The following SYNE1 variants were observed in gnomAD, a reference collection of about 807,000 sequenced individuals.
The protein encoded by SYNE1 is nesprin-1.
A neutral mutation model predicts 1,111.0 loss-of-function variants in SYNE1; 616 were observed. The ratio of observed to expected loss-of-function variants is 0.55; its 90% CI spans 0.52 to 0.59. The LOEUF is 0.59. Among genes scored for constraint, SYNE1 ranks in the 20% least tolerant of loss-of-function variants. The pLI, the probability that SYNE1 is intolerant of heterozygous loss-of-function variation, is 0.00. For synonymous variants in SYNE1, 3,855 were observed against 3,825.8 expected, an observed-to-expected ratio of 1.01 and a Z score of -0.28; for missense variants, 10,006 against 10,417.0, an observed-to-expected ratio of 0.96 and a Z score of 1.72.
At chr6:152,149,342 AG>A in intron 136 of SYNE1, 134 bp downstream of exon 136, 1 of 1,025,224 alleles carries the variant, frequency 9.8e-7, no homozygotes, top group Non-Finnish European at 1.5e-6. Context: ...GCGACAATGT[AG>A]GACAAAGCTA....
intron 3 of SYNE1, among the ~76,000 whole-genome samples, chr6:152,591,927 C>T (rs946652334): frequency 6.6e-6 from 1 of 152,160 alleles, no homozygotes; most frequent in Non-Finnish European, 1.5e-5. Flanking sequence ...AAATGCTCAA[C>T]ATCATTAATC....
At position 152,148,373 on chromosome 6, in the gene SYNE1, T is replaced by C; in HGVS notation, c.24648A>G (p.Pro8216=). The C allele has an allele frequency of 6.2e-7, 1 of 1,613,654 alleles. No homozygotes were observed. Among genetic ancestry groups the C allele is most frequent in the African/African-American group, 1.3e-5 (1 of 75,050 alleles). ...TGTCTGAGAGGTCGTGCTCATCGTCTGGGAGCTAGAAGGGAAGTCAAGGCA... is the reference window on the plus strand; with the variant it reads ...TGTCTGAGAGGTCGTGCTCATCGTCCGGGAGCTAGAAGGGAAGTCAAGGCA... ...YHKKLIRLPL[P]DDEHDLSDRE... The change falls in exon 137 of 146, where the codon CCA becomes CCG. Residue 8216 remains proline (P), a synonymous_variant. Transcript: ENST00000367255. The surrounding 1 kb of genome is among the most constrained non-coding windows in gnomAD (Gnocchi z 4.1).
intron 14 of SYNE1, among the ~76,000 whole-genome samples, chr6:152,477,179 AT>A (rs368538908): frequency 4.1e-4 from 62 of 152,332 alleles, no homozygotes; most frequent in African/African-American, 1.4e-3. Context: ...GTGAAAAAAA[AT>A]CAATAACTCC....
intron 130 of SYNE1, among the ~76,000 whole-genome samples, chr6:152,165,202 TTC>T (rs1043398212): frequency 1.3e-5 from 2 of 152,138 alleles, no homozygotes; most frequent in Non-Finnish European, 2.9e-5. Flanking sequence ...CGCCAGGTGG[TTC>T]TGATACGTTT....
At chr6:152,312,033 C>T (rs182072489) in intron 87 of SYNE1, among the ~76,000 whole-genome samples, 187 of 152,306 alleles carry the variant, frequency 1.2e-3, no homozygotes, top group African/African-American at 4.4e-3. Context: ...ATCCGCAGGC[C>T]TTGGCCTCCC....
Position 152,285,905 on chromosome 6 carries a change from T to A in SYNE1, c.18013-1733A>T, listed in dbSNP as rs554585525. On this transcript the variant is annotated intron_variant, in intron 95 of 145. Coordinates refer to ENST00000367255, the MANE Select transcript of SYNE1 (RefSeq NM_182961.4). ...TTGTTATTTAGGATTTCAATGAAGTTGGAAAAACAGGCTCTATCACCAGAG... is the reference window on the plus strand; with the variant it reads ...TTGTTATTTAGGATTTCAATGAAGTAGGAAAAACAGGCTCTATCACCAGAG... Among the ~76,000 whole-genome samples the A allele has an allele frequency of 3.9e-5, 6 of 152,322 alleles. No individual in the cohort carries two copies. In the South Asian group the frequency reaches 6.2e-4, roughly 16 times the overall value.
rs2096058579 is a variant in SYNE1 at position 152,325,984 on chromosome 6, C to T, written c.15412G>A (p.Ala5138Thr). 1 of 1,614,034 alleles carries T rather than the reference C, an allele frequency of 6.2e-7. No homozygotes were observed. Among genetic ancestry groups the T allele is most frequent in the African/African-American group, 1.3e-5 (1 of 74,922 alleles). Residue 5138 changes from alanine (A) to threonine (T), a missense_variant, in exon 80 of 146, where the codon GCG becomes ACG. By Grantham distance (58) the Ala-to-Thr change is moderately conservative. This residue lies in a region of SYNE1 where 4,955 missense variants were observed against 5,017.2 expected (regional missense o/e 0.99). Coordinates refer to ENST00000367255, the MANE Select transcript of SYNE1 (RefSeq NM_182961.4). ...TTGTGTTCTGACAATTTTTCTTCCGCTTCATGACTAGACGAAGTCTTCAAC... is the reference window on the plus strand; with the variant it reads ...TTGTGTTCTGACAATTTTTCTTCCGTTTCATGACTAGACGAAGTCTTCAAC... ...SLLKTSSSHE[A>T]EEKLSEHKAL...
chr6:152,319,635 C>T (rs1022191052), intron 84 of SYNE1, among the ~76,000 whole-genome samples: 1 of 151,904 alleles, frequency 6.6e-6, no homozygotes, highest in African/African-American at 2.4e-5. Flanking sequence ...GAATAAAATG[C>T]CGAAGAAAAG....
chr6:152,225,949 T>G, intron 115 of SYNE1, 73 bp from the exon 116 acceptor site: 1 of 1,491,976 alleles, frequency 6.7e-7, no homozygotes, highest in Non-Finnish European at 9.2e-7. Context: ...AATTGGGCCA[T>G]TATAGTTTCA....
chr6:152,520,185 T>C (rs1235351360), intron 6 of SYNE1, among the ~76,000 whole-genome samples: 2 of 152,176 alleles, frequency 1.3e-5, no homozygotes, highest in Non-Finnish European at 2.9e-5. Flanking sequence ...TAGTTAATAG[T>C]ATCATCCCAA....
At chr6:152,284,235 C>T (rs1247479267) in intron 95 of SYNE1, 63 bp from the exon 96 acceptor site, 1 of 1,532,078 alleles carries the variant, frequency 6.5e-7, no homozygotes, top group East Asian at 2.3e-5. Context: ...ATCATTAGCA[C>T]TAGCTGAGTC....
chr6:152,132,689 T>C (rs2056093032), intron 143 of SYNE1, among the ~76,000 whole-genome samples: 2 of 152,182 alleles, frequency 1.3e-5, no homozygotes, highest in Non-Finnish European at 2.9e-5. Flanking sequence ...ATTGTTCTTT[T>C]GCATGCTTAC....
intron 140 of SYNE1, among the ~76,000 whole-genome samples, chr6:152,139,698 G>GAAAAGAA (rs1273461581): frequency 6.0e-5 from 6 of 99,656 alleles, no homozygotes; most frequent in African/African-American, 2.7e-4. Flanking sequence ...GAAAAAGAAA[G>GAAAAGAA]AGAAAAAGAA....
intron 82 of SYNE1, among the ~76,000 whole-genome samples, chr6:152,322,435 G>A (rs1453317668): frequency 1.3e-5 from 2 of 152,084 alleles, no homozygotes; most frequent in Non-Finnish European, 2.9e-5. Context: ...GGTAATATTT[G>A]TAAATGTAGA....
chr6:152,265,207 GAAA>G (rs36042696), intron 100 of SYNE1, among the ~76,000 whole-genome samples: 2 of 87,912 alleles, frequency 2.3e-5, no homozygotes, highest in African/African-American at 4.8e-5. Flanking sequence ...CTCTGTCTCA[GAAA>G]AAAAAAAAAA....
At chr6:152,555,680 T>A (rs2099362704) in intron 3 of SYNE1, among the ~76,000 whole-genome samples, 1 of 152,208 alleles carries the variant, frequency 6.6e-6, no homozygotes, top group East Asian at 1.9e-4. Flanking sequence ...TTACTTGCAA[T>A]GATGTAAAGA....
At chr6:152,278,388 G>C (rs1395636152) in intron 97 of SYNE1, 108 bp from the exon 98 acceptor site, 23 of 1,319,006 alleles carry the variant, frequency 1.7e-5, no homozygotes, top group Middle Eastern at 1.8e-4. Context: ...AAACGGACAG[G>C]CTTTCATGAT....
At chr6:152,556,837 A>T (rs561758262) in intron 3 of SYNE1, among the ~76,000 whole-genome samples, 431 of 152,292 alleles carry the variant, frequency 2.8e-3, no homozygotes, top group African/African-American at 0.01. Context: ...CAGTCTGAAG[A>T]CTGGCAAATG....
At chr6:152,422,395 G>C (rs1006406659) in intron 39 of SYNE1, among the ~76,000 whole-genome samples, 3 of 152,202 alleles carry the variant, frequency 2.0e-5, no homozygotes, top group Admixed American at 6.5e-5. Context: ...TCAGGACTAA[G>C]AGACTGACTA....
Sources: gnomAD v4.1 joint callset for allele counts (sites outside exome capture counted in the v4.1 genomes callset) on GRCh38, gnomAD v4.1.1 for gene constraint, gnomAD v4.1.1 regional missense constraint, Gnocchi (gnomAD v3.1) non-coding constraint, MANE v1.5 for transcripts, NCBI Gene and HGNC (gene_info 2026-07-23, HGNC 2026-07-21) for gene names.